Variants in PIKFYVE observed in about 807,000 individuals in gnomAD.
PIKFYVE encodes the protein phosphoinositide kinase, FYVE-type zinc finger containing.
PIKFYVE carries 122 observed loss-of-function variants against 257.9 expected under a neutral mutation model. The observed-to-expected ratio is 0.47, with a 90% confidence interval of 0.41 to 0.55. The LOEUF (loss-of-function observed/expected upper bound fraction) is 0.55, where lower values mean the gene tolerates loss of function less well. PIKFYVE is among the 20% of genes least tolerant of loss of function. PIKFYVE has a pLI of 0.00. For synonymous variants in PIKFYVE, 892 were observed against 868.9 expected, an observed-to-expected ratio of 1.03 and a Z score of -0.47; for missense variants, 2,160 against 2,536.6, an observed-to-expected ratio of 0.85 and a Z score of 3.19.
chr2:208,288,621 C>T lies in PIKFYVE; in HGVS notation c.822-108C>T, dbSNP rs1691891559. On this transcript the variant is annotated intron_variant, in intron 6 of 41. Transcript: ENST00000264380. ...GAAGAACAAAAATGACACATAATCT[C>T]ATTATTGCAAGGAAAAAGATTAAAT... The T allele has an allele frequency of 1.7e-5, 26 of 1,499,670 alleles. No homozygotes were observed. The East Asian group carries it at 6.3e-4, about 36-fold the overall frequency. 92.9% of individuals were successfully genotyped at this position (1,499,670 alleles called of 1,614,324 possible).
At position 208,340,002 on chromosome 2, in the gene PIKFYVE, T is replaced by C. The variant is rs148173811; in HGVS notation, c.4811-9T>C. On this transcript the variant is annotated splice_polypyrimidine_tract_variant and intron_variant, in intron 30 of 41. Coordinates refer to ENST00000264380, the MANE Select transcript of PIKFYVE (RefSeq NM_015040.4). ...TATTAATATATAAGTAGACTATTTT[T>C]CATTTTAGATGTGTTTGATGGGCAT... The C allele has an allele frequency of 1.2e-5, 20 of 1,612,260 alleles. No individual in the cohort carries two copies. In the East Asian group the frequency reaches 2.0e-4, roughly 16 times the overall value.
rs564707074 is a variant in PIKFYVE, at chr2:208,291,247, A to G, written c.911+2429A>G. 1.3e-4 allele frequency among the ~76,000 whole-genome samples: 20 copies of G among 152,280 alleles called. No homozygotes were observed. In the South Asian group the frequency reaches 3.3e-3, roughly 25 times the overall value. On this transcript the variant is annotated intron_variant, in intron 7 of 41. Transcript: ENST00000264380. Reference sequence around the variant, plus strand: ...TTTGTCAAATGCTTTTTCTGTATCAATGACATGATTACATAATTATTCTTC... The same window carrying G: ...TTTGTCAAATGCTTTTTCTGTATCAGTGACATGATTACATAATTATTCTTC...
At chr2:208,331,983 A>G (rs779349694) in intron 23 of PIKFYVE, among the ~76,000 whole-genome samples, 2 of 152,334 alleles carry the variant, frequency 1.3e-5, no homozygotes, top group East Asian at 1.9e-4. Context: ...ATGCTTTGCT[A>G]TATGCACTTT....
At position 208,314,425 on chromosome 2, in the gene PIKFYVE, T is replaced by TA; in HGVS notation, c.1826+4dup. On this transcript the variant is annotated splice_region_variant and intron_variant, in intron 14 of 41. Transcript: ENST00000264380. ...GAAACAAGCCATGGAGAGGTTGCTG[T>TA]AAGGCAATGAAATTTTTAATTTTAA... 1 of 1,613,560 alleles carries TA rather than the reference T, an allele frequency of 6.2e-7. No individual in the cohort carries two copies. Among genetic ancestry groups the TA allele is most frequent in the Non-Finnish European group, 8.5e-7 (1 of 1,179,714 alleles).
In PIKFYVE at chr2:208,336,133, T is replaced by C; in HGVS notation, c.4453T>C (p.Ser1485Pro). 6.2e-6 allele frequency: 10 copies of C among 1,614,072 alleles called. No homozygotes were observed. Among genetic ancestry groups the C allele is most frequent in the Non-Finnish European group, 8.5e-6 (10 of 1,179,972 alleles). The change falls in exon 27 of 42, where the codon TCG (serine) becomes CCG (proline). Residue 1485 changes from serine to proline, a missense_variant. By Grantham distance (74) the Ser-to-Pro change is moderately conservative. Transcript: ENST00000264380. The stretch of plus-strand genomic sequence containing the variant: ...TGTAGATACCCCTCAGCAACTGCAG[T>C]CGGTCTTTGAGTCACTCATTGCCAA... ...SSVDTPQQLQ[S>P]VFESLIAKKQ...
intron 12 of PIKFYVE, among the ~76,000 whole-genome samples, chr2:208,309,735 G>T (rs1694745709): frequency 6.6e-6 from 1 of 152,192 alleles, no homozygotes; most frequent in African/African-American, 2.4e-5. Context: ...CACTGTGCAT[G>T]GTAAGTGTCC....
At chr2:208,270,128 G>A (rs1383887095) in intron 1 of PIKFYVE, among the ~76,000 whole-genome samples, 3 of 141,832 alleles carry the variant, frequency 2.1e-5, no homozygotes, top group African/African-American at 5.3e-5. Flanking sequence ...TGTAACCTCC[G>A]CCTCCTGGGT....
At chr2:208,315,471 G>A in intron 15 of PIKFYVE, 98 bp downstream of exon 15, 2 of 1,416,732 alleles carry the variant, frequency 1.4e-6, no homozygotes, top group South Asian at 2.4e-5. Context: ...TCATTACCCT[G>A]AGGGGTGCTA....
At chr2:208,278,819 C>T (rs1031878574) in intron 5 of PIKFYVE, among the ~76,000 whole-genome samples, 2 of 152,040 alleles carry the variant, frequency 1.3e-5, no homozygotes, top group African/African-American at 2.4e-5. Context: ...TGGTGGCACC[C>T]AGGTTGATTC....
chr2:208,268,870 A>G (rs1422312109), intron 1 of PIKFYVE, among the ~76,000 whole-genome samples: 1 of 151,850 alleles, frequency 6.6e-6, no homozygotes, highest in Non-Finnish European at 1.5e-5. Flanking sequence ...TATTAATTAA[A>G]TTATTGATCA....
chr2:208,273,151 C>CCCAG (rs1574395843), intron 2 of PIKFYVE, among the ~76,000 whole-genome samples: 1 of 152,052 alleles, frequency 6.6e-6, no homozygotes, highest in East Asian at 1.9e-4. Context: ...GTAAACAGAC[C>CCCAG]CAAAAAATCC....
chr2:208,312,738 ACT>A (rs1470944847), intron 13 of PIKFYVE, among the ~76,000 whole-genome samples: 3 of 152,188 alleles, frequency 2.0e-5, no homozygotes, highest in Admixed American at 6.5e-5. Flanking sequence ...TAAAGAACTA[ACT>A]CTGATGATAA....
chr2:208,334,412 C>A, intron 24 of PIKFYVE: 1 of 153,392 alleles, frequency 6.5e-6, no homozygotes, highest in Non-Finnish European at 1.5e-5. Context: ...ACTGGCTGCC[C>A]AGGACCTCTC....
chr2:208,355,850 A>G lies in PIKFYVE; in HGVS notation c.*545A>G, dbSNP rs1437456056. The G allele has an allele frequency of 6.5e-6, 1 of 152,702 alleles. No homozygotes were observed. The highest frequency in any genetic ancestry group is 2.4e-5 in the African/African-American group (1 of 41,414). The allele number at this position is 152,702 out of a possible 1,614,324, so 9.5% of individuals were successfully genotyped here. ...TGGGCATTTATTGTTTTATTGAGGA[A>G]TTTGACTTAAACTGGGAATCCTGTC... On this transcript the variant is annotated 3_prime_UTR_variant, in exon 42 of 42. Transcript: ENST00000264380.
At chr2:208,278,349 A>G (rs1690374663) in intron 5 of PIKFYVE, among the ~76,000 whole-genome samples, 1 of 151,854 alleles carries the variant, frequency 6.6e-6, no homozygotes, top group Non-Finnish European at 1.5e-5. Flanking sequence ...TCTGTCACCC[A>G]GAACCCCATT....
At position 208,288,742 on chromosome 2, in the gene PIKFYVE, G is replaced by C; in HGVS notation, c.835G>C (p.Asp279His). Residue 279 changes from aspartate to histidine, a missense_variant, in exon 7 of 42, where the codon GAT becomes CAT. By Grantham distance (81) the Asp-to-His change is moderately conservative. Transcript: ENST00000264380. Reference protein sequence around the residue: ...DLAWQSLIHPDSSNTPLSTRL... With the variant: ...DLAWQSLIHPHSSNTPLSTRL... ...TTTTCTTTATAGTTTGATTCATCCA[G>C]ATTCCTCAAATACTCCTCTTTCAAC... is the stretch of plus-strand genomic sequence containing the variant. 1.2e-6 allele frequency: 2 copies of C among 1,613,950 alleles called. No homozygotes were observed. Among genetic ancestry groups the C allele is most frequent in the Non-Finnish European group, 1.7e-6 (2 of 1,179,966 alleles).
chr2:208,270,872 G>A (rs780951849), intron 1 of PIKFYVE, among the ~76,000 whole-genome samples: 6 of 151,720 alleles, frequency 4.0e-5, no homozygotes, highest in Non-Finnish European at 7.4e-5. Context: ...CATCTCTACT[G>A]AAAATACAAA....
Position 208,326,442 on chromosome 2 carries a change from A to G in PIKFYVE, c.3618+13A>G. 1.2e-6 allele frequency: 2 copies of G among 1,611,684 alleles called. No individual in the cohort carries two copies. The highest frequency in any genetic ancestry group is 1.1e-5 in the South Asian group (1 of 91,004). ...GTGGTCAACAAAGGTGAGCCAGACC[A>G]CTTTCTGATGCTCCTGTGCATTTAG... On this transcript the variant is annotated intron_variant, in intron 20 of 41. Coordinates refer to ENST00000264380, the MANE Select transcript of PIKFYVE (RefSeq NM_015040.4).
chr2:208,324,488 T>G (rs569609760), intron 18 of PIKFYVE, among the ~76,000 whole-genome samples: 21 of 152,346 alleles, frequency 1.4e-4, no homozygotes, highest in South Asian at 1.0e-3. Context: ...GTAATACTTA[T>G]TGGTGTCTAC....
Sources: allele counts gnomAD v4.1 joint callset (sites outside exome capture counted in the v4.1 genomes callset), GRCh38; gene constraint gnomAD v4.1.1; transcripts MANE v1.5; gene names NCBI Gene and HGNC (gene_info 2026-07-23, HGNC 2026-07-21).